Variants in PALM2AKAP2 observed in about 807,000 individuals in gnomAD.
The protein encoded by PALM2AKAP2 is PALM2-AKAP2 fusion protein.
PALM2AKAP2 carries 37 observed loss-of-function variants against 71.5 expected under a neutral mutation model. That is an observed-to-expected ratio of 0.52 (90% CI 0.40 to 0.68). PALM2AKAP2 has a LOEUF of 0.68. PALM2AKAP2 is among the 30% of genes least tolerant of loss of function. The probability of loss-of-function intolerance (pLI) is 0.00; values close to 1 mark genes in which losing one functional copy is unlikely to be tolerated. For synonymous variants in PALM2AKAP2, 468 were observed against 478.8 expected (o/e 0.98, Z 0.29); for missense variants, 1,224 against 1,191.8 (o/e 1.03, Z -0.40).
intron 1 of PALM2AKAP2, among the ~76,000 whole-genome samples, chr9:109,784,237 A>G (rs927950): frequency 0.5 from 75,502 of 152,040 alleles, 20,429 homozygotes; most frequent in African/African-American, 0.7. Context: ...TTTGTTTTTC[A>G]CCTAACGTTA....
intron 1 of PALM2AKAP2, among the ~76,000 whole-genome samples, chr9:109,678,562 C>T (rs1280117314): frequency 6.6e-6 from 1 of 152,170 alleles, no homozygotes; most frequent in Non-Finnish European, 1.5e-5. Context: ...CGTTGGGTTT[C>T]ATTTATAATC....
intron 1 of PALM2AKAP2, among the ~76,000 whole-genome samples, chr9:109,656,358 CA>C (rs1827307794): frequency 6.6e-6 from 1 of 152,138 alleles, no homozygotes; most frequent in East Asian, 1.9e-4. Context: ...AAAGTTTATG[CA>C]ACTTTGAAGG....
intron 6 of PALM2AKAP2, among the ~76,000 whole-genome samples, chr9:109,980,051 A>G (rs1832242041): frequency 6.6e-6 from 1 of 152,110 alleles, no homozygotes; most frequent in Admixed American, 6.5e-5. Context: ...ACACATGCCC[A>G]TCCCTGTCAT....
At chr9:110,003,824 C>A (rs1051116163) in intron 6 of PALM2AKAP2, among the ~76,000 whole-genome samples, 4 of 152,110 alleles carry the variant, frequency 2.6e-5, no homozygotes, top group Admixed American at 2.6e-4. Context: ...GGTTTAAAGT[C>A]TGTTTTATCA....
intron 5 of PALM2AKAP2, among the ~76,000 whole-genome samples, chr9:109,925,500 G>A (rs1830937288): frequency 6.6e-6 from 1 of 152,104 alleles, no homozygotes; most frequent in Non-Finnish European, 1.5e-5. Context: ...AATATTTGGT[G>A]TTTGGGAAAC....
intron 1 of PALM2AKAP2, among the ~76,000 whole-genome samples, chr9:109,678,088 C>T (rs1161169639): frequency 6.6e-6 from 1 of 152,128 alleles, no homozygotes; most frequent in East Asian, 1.9e-4. Flanking sequence ...ATGACGAAAA[C>T]AAACTAGTCA....
intron 3 of PALM2AKAP2, among the ~76,000 whole-genome samples, chr9:109,921,626 A>G (rs961019365): frequency 1.2e-4 from 19 of 152,234 alleles, no homozygotes; most frequent in Non-Finnish European, 1.9e-4. Context: ...ACCTCATGAC[A>G]GGTGGCATCT....
chr9:109,950,326 C>A (rs1831608121), intron 6 of PALM2AKAP2, among the ~76,000 whole-genome samples: 1 of 151,960 alleles, frequency 6.6e-6, no homozygotes, highest in Non-Finnish European at 1.5e-5. Context: ...TATCAGTTGG[C>A]CTTCTACATA....
At chr9:109,824,723 T>C (rs1828098155) in intron 1 of PALM2AKAP2, among the ~76,000 whole-genome samples, 1 of 152,240 alleles carries the variant, frequency 6.6e-6, no homozygotes, top group Non-Finnish European at 1.5e-5. Flanking sequence ...GATGTATGTA[T>C]GTTTGTGAGC....
At position 110,014,800 on chromosome 9, in the gene PALM2AKAP2, AAAAATGTAT is replaced by A. The variant is rs1832943908; in HGVS notation, c.497-1152_497-1144del. ...GTCTCAAAAAAAAAAAAAAAAAAAA[AAAAATGTAT>A]ATATATATATATATATATATATATA... On this transcript the variant is annotated intron_variant, in intron 6 of 9. Transcript: ENST00000302798. Among the ~76,000 whole-genome samples the A allele has an allele frequency of 5.4e-3, 278 of 51,686 alleles. 12 individuals are homozygous for A. Among genetic ancestry groups the A allele is most frequent in the East Asian group, 0.014 (23 of 1,620 alleles). The allele number at this position is 51,686 out of a possible 152,430, so 33.9% of individuals were successfully genotyped here. A position where few individuals can be genotyped will look rare whatever the true frequency, so the allele number is the denominator to read the frequency against.
chr9:110,012,213 T>C (rs1238189674), intron 6 of PALM2AKAP2, among the ~76,000 whole-genome samples: 2 of 151,850 alleles, frequency 1.3e-5, no homozygotes, highest in Non-Finnish European at 2.9e-5. Flanking sequence ...GAATTGCTTG[T>C]GCCTGAGAGG....
chr9:110,040,856 T>C (rs1833500353), intron 7 of PALM2AKAP2, among the ~76,000 whole-genome samples: 1 of 152,138 alleles, frequency 6.6e-6, no homozygotes, highest in African/African-American at 2.4e-5. Flanking sequence ...CAGCATTCTA[T>C]CTGTGAACAA....
At chr9:109,873,472 TAAAA>T (rs1829652774) in intron 2 of PALM2AKAP2, among the ~76,000 whole-genome samples, 1 of 150,246 alleles carries the variant, frequency 6.7e-6, no homozygotes, top group Non-Finnish European at 1.5e-5. Context: ...TAAAATAAAA[TAAAA>T]TAAAATAAAA....
At chr9:109,715,787 A>G (rs1828309988) in intron 1 of PALM2AKAP2, among the ~76,000 whole-genome samples, 1 of 152,164 alleles carries the variant, frequency 6.6e-6, no homozygotes, top group African/African-American at 2.4e-5. Flanking sequence ...TTTCATATCC[A>G]TTAGAGGTCA....
At chr9:110,092,233 G>A (rs1834730844) in intron 1 of PALM2AKAP2, among the ~76,000 whole-genome samples, 1 of 152,212 alleles carries the variant, frequency 6.6e-6, no homozygotes, top group Non-Finnish European at 1.5e-5. Context: ...TTGGGAGGCT[G>A]AGGCAGGAGA....
At chr9:109,999,509 G>C (rs984951805) in intron 6 of PALM2AKAP2, among the ~76,000 whole-genome samples, 4 of 152,236 alleles carry the variant, frequency 2.6e-5, no homozygotes, top group African/African-American at 9.6e-5. Flanking sequence ...TCTGTTCCCA[G>C]TGCCCTCTGC....
At chr9:110,109,960 A>C (rs534147315) in intron 1 of PALM2AKAP2, among the ~76,000 whole-genome samples, 1 of 152,246 alleles carries the variant, frequency 6.6e-6, no homozygotes, top group East Asian at 1.9e-4. Context: ...GATTGGGGAG[A>C]TATTGGTCAA....
At chr9:109,900,733 G>C (rs572220347) in intron 3 of PALM2AKAP2, among the ~76,000 whole-genome samples, 37 of 152,168 alleles carry the variant, frequency 2.4e-4, no homozygotes, top group Non-Finnish European at 1.3e-4. Context: ...AGTTTTCAGA[G>C]ATTTCCTGAA....
At chr9:110,136,824 A>G (rs745447689) in exon 2 of PALM2AKAP2, 3 of 1,614,198 alleles carry the variant, frequency 1.9e-6, no homozygotes, top group Non-Finnish European at 2.5e-6. Flanking sequence ...CTCTTTGAGG[A>G]TGACGAGCAT....
Sources: allele counts gnomAD v4.1 joint callset (sites outside exome capture counted in the v4.1 genomes callset), GRCh38; gene constraint gnomAD v4.1.1; transcripts MANE v1.5; gene names NCBI Gene and HGNC (gene_info 2026-07-23, HGNC 2026-07-21).